Variants in MPDZ observed in about 807,000 individuals in gnomAD.
The protein encoded by MPDZ is multiple PDZ domain crumbs cell polarity complex component.
MPDZ carries 234 observed loss-of-function variants against 239.1 expected under a neutral mutation model. The observed-to-expected ratio is 0.98, with a 90% CI of 0.88 to 1.09. The LOEUF (loss-of-function observed/expected upper bound fraction) is 1.09. Ranked by LOEUF, MPDZ falls within the 50% of genes least tolerant of loss-of-function variation. MPDZ has a pLI of 0.00. For synonymous variants in MPDZ, 1,048 were observed against 881.3 expected (o/e 1.19, Z -3.35); for missense variants, 3,175 against 2,510.0 (o/e 1.26, Z -5.66).
chr9:13,253,256 C>T (rs941192879), intron 1 of MPDZ, among the ~76,000 whole-genome samples: 2 of 147,802 alleles, frequency 1.4e-5, no homozygotes, highest in Admixed American at 1.3e-4. Flanking sequence ...GATGAGAGAG[C>T]TCTACTCTTT....
At chr9:13,229,830 C>A (rs1961841624) in intron 3 of MPDZ, among the ~76,000 whole-genome samples, 1 of 151,998 alleles carries the variant, frequency 6.6e-6, no homozygotes, top group African/African-American at 2.4e-5. Flanking sequence ...TACAGTTGCA[C>A]AAAAGGTAGG....
chr9:13,264,410 T>C (rs901925094), intron 1 of MPDZ, among the ~76,000 whole-genome samples: 7 of 152,156 alleles, frequency 4.6e-5, no homozygotes, highest in African/African-American at 1.7e-4. Flanking sequence ...CGCTCGACTA[T>C]AAAGTTAATT....
chr9:13,185,898 T>C (rs1954029202), intron 18 of MPDZ, among the ~76,000 whole-genome samples: 1 of 152,118 alleles, frequency 6.6e-6, no homozygotes, highest in Non-Finnish European at 1.5e-5. Flanking sequence ...AAGATACCTA[T>C]TACCTCATTA....
intron 22 of MPDZ, among the ~76,000 whole-genome samples, chr9:13,164,968 C>A: frequency 6.6e-6 from 1 of 152,092 alleles, no homozygotes; most frequent in East Asian, 1.9e-4. Context: ...TTCAAACTAA[C>A]TTTTGGATAC....
Position 13,126,580 on chromosome 9 carries a change from A to C in MPDZ, c.4568T>G (p.Leu1523Arg), listed in dbSNP as rs1244522963. The C allele has an allele frequency of 6.3e-7, 1 of 1,599,876 alleles. No individual in the cohort carries two copies. Among genetic ancestry groups the C allele is most frequent in the African/African-American group, 1.3e-5 (1 of 74,634 alleles). Residue 1523 changes from leucine (L) to arginine (R), a missense_variant, in exon 34 of 47, where the codon CTC becomes CGC. Transcript: ENST00000319217. ...AGCCAGTATCTGATCTCCGACTTTG[A>C]GTCGTCCATCCTAAATGGAAACGTA... The part of the protein sequence containing the change: ...EHGVAATDGR[L>R]KVGDQILAVD...
rs747788519 is a variant in MPDZ at position 13,119,493 on chromosome 9, A to AT, written c.5379+8dup. The AT allele has an allele frequency of 1.5e-4, 242 of 1,599,794 alleles. 2 individuals are homozygous for AT. Among genetic ancestry groups the AT allele is most frequent in the Non-Finnish European group, 2.6e-5 (30 of 1,174,586 alleles). On this transcript the variant is annotated intron_variant, in intron 39 of 46. Coordinates refer to ENST00000319217, the MANE Select transcript of MPDZ (RefSeq NM_001378778.1). ...GCTATTACACAGAATTATTTTTTGC[A>AT]TTTTTTACCTTTAGCAAAGCGGCAA...
intron 12 of MPDZ, among the ~76,000 whole-genome samples, chr9:13,200,417 G>C (rs184939996): frequency 2.6e-5 from 4 of 151,410 alleles, no homozygotes; most frequent in East Asian, 1.9e-4. Flanking sequence ...TTGTATTTTC[G>C]TCTCAATTTC....
chr9:13,180,809 A>G (rs1162260438), intron 19 of MPDZ, among the ~76,000 whole-genome samples: 1 of 152,094 alleles, frequency 6.6e-6, no homozygotes, highest in East Asian at 1.9e-4. Context: ...GTTCTTGAGT[A>G]ATTGTTATTT....
At chr9:13,260,503 T>C (rs547028617) in intron 1 of MPDZ, among the ~76,000 whole-genome samples, 23 of 152,200 alleles carry the variant, frequency 1.5e-4, no homozygotes, top group Non-Finnish European at 2.8e-4. Context: ...TAGCTGAGTA[T>C]AGTACCTTAC....
chr9:13,125,134 G>T, intron 35 of MPDZ, 82 bp downstream of exon 35: 4 of 1,318,780 alleles, frequency 3.0e-6, no homozygotes, highest in Non-Finnish European at 4.1e-6. Context: ...CCACAGGTAG[G>T]CAGCTGGCTC....
chr9:13,168,705 A>G (rs1328222549), intron 21 of MPDZ, 141 bp from the exon 22 acceptor site: 2 of 681,454 alleles, frequency 2.9e-6, no homozygotes, highest in Non-Finnish European at 4.6e-6. Context: ...CAAAAACAGG[A>G]AAAAGTGTTT....
intron 3 of MPDZ, among the ~76,000 whole-genome samples, chr9:13,241,660 T>C (rs543460211): frequency 6.6e-6 from 1 of 152,224 alleles, no homozygotes. Context: ...CAAAACAGTA[T>C]CTTTCTGATT....
At chr9:13,178,117 G>T (rs752641139) in intron 19 of MPDZ, among the ~76,000 whole-genome samples, 1 of 151,958 alleles carries the variant, frequency 6.6e-6, no homozygotes, top group Non-Finnish European at 1.5e-5. Flanking sequence ...AAATTAGCCG[G>T]GCGTGGTGGC....
At chr9:13,237,904 A>G (rs935280961) in intron 3 of MPDZ, among the ~76,000 whole-genome samples, 1 of 152,222 alleles carries the variant, frequency 6.6e-6, no homozygotes, top group Non-Finnish European at 1.5e-5. Context: ...CAAATGACCA[A>G]TGAAATATAA....
At chr9:13,185,895 C>T (rs1353058146) in intron 18 of MPDZ, among the ~76,000 whole-genome samples, 1 of 151,890 alleles carries the variant, frequency 6.6e-6, no homozygotes, top group Non-Finnish European at 1.5e-5. Flanking sequence ...AAAAAGATAC[C>T]TATTACCTCA....
At chr9:13,257,807 T>C (rs576338074) in intron 1 of MPDZ, among the ~76,000 whole-genome samples, 3 of 152,224 alleles carry the variant, frequency 2.0e-5, no homozygotes, top group African/African-American at 4.8e-5. Context: ...GGTAAATGAA[T>C]AATTTTTTAG....
intron 39 of MPDZ, among the ~76,000 whole-genome samples, chr9:13,117,445 G>A (rs559310646): frequency 1.3e-5 from 2 of 151,710 alleles, no homozygotes; most frequent in African/African-American, 4.8e-5. Flanking sequence ...GCAGGAGAAT[G>A]GCGTGAACCC....
chr9:13,223,773 T>C, intron 4 of MPDZ, 63 bp from the exon 5 acceptor site: 1 of 1,490,706 alleles, frequency 6.7e-7, no homozygotes, highest in Non-Finnish European at 8.9e-7. Context: ...GGTTCACGCC[T>C]GTAATCCCAG....
In MPDZ at chr9:13,147,464, T is replaced by C. The variant is rs1025084698; in HGVS notation, c.3741+84A>G. 15 of 1,000,168 alleles carry C rather than the reference T, an allele frequency of 1.5e-5. No individual in the cohort carries two copies. The East Asian group carries it at 1.7e-4, about 11-fold the overall frequency. 62.0% of individuals were successfully genotyped at this position (1,000,168 alleles called of 1,614,324 possible). ...TTTGAAAAATCACTATCTTTACTCA[T>C]ACAGACAACTTGGCCCTTGATACAT... On this transcript the variant is annotated intron_variant, in intron 26 of 46. Coordinates refer to ENST00000319217, the MANE Select transcript of MPDZ (RefSeq NM_001378778.1).
Sources: gnomAD v4.1 joint callset for allele counts (sites outside exome capture counted in the v4.1 genomes callset) on GRCh38, gnomAD v4.1.1 for gene constraint, MANE v1.5 for transcripts, NCBI Gene and HGNC (gene_info 2026-07-23, HGNC 2026-07-21) for gene names.